PNLIPRP1: variants seen among roughly 807,000 people sequenced by gnomAD.
The protein encoded by PNLIPRP1 is pancreatic lipase related protein 1, also known as inactive pancreatic lipase-related protein 1.
PNLIPRP1 carries 57 observed loss-of-function variants against 54.6 expected under a neutral mutation model. That is an observed-to-expected ratio of 1.04 (90% confidence interval 0.84 to 1.30). The LOEUF (loss-of-function observed/expected upper bound fraction) is 1.30. PNLIPRP1 is among the 50% of genes most tolerant of loss of function. The probability of loss-of-function intolerance (pLI) is 0.00; values close to 1 mark genes in which losing one functional copy is unlikely to be tolerated. For missense variants in PNLIPRP1, 567 were observed against 568.5 expected, an observed-to-expected ratio of 1.00 and a Z score of 0.03; for synonymous variants, 232 against 208.8, an observed-to-expected ratio of 1.11 and a Z score of -0.96.
rs1554863694 is a variant in PNLIPRP1, at chr10:116,594,700, TC to T, written c.331-26del. 3 of 1,613,334 alleles carry T rather than the reference TC, an allele frequency of 1.9e-6. No individual in the cohort carries two copies. The South Asian group carries it at 3.3e-5, about 18-fold the overall frequency. On this transcript the variant is annotated intron_variant, in intron 4 of 12. Coordinates refer to ENST00000358834, the MANE Select transcript of PNLIPRP1 (RefSeq NM_006229.4). ...TAAGGTTTCCCCTGCTCCCATTATC[TC>T]CCCAACCCCACTATCTCCCCAACAC...
In PNLIPRP1 at chr10:116,591,771, G is replaced by C. The variant is rs782584435; in HGVS notation, c.50G>C (p.Gly17Ala). 7 of 1,614,084 alleles carry C rather than the reference G, an allele frequency of 4.3e-6. No individual in the cohort carries two copies. Among genetic ancestry groups the C allele is most frequent in the East Asian group, 2.2e-5 (1 of 44,868 alleles). ...ITLFLLGAAK[G>A]KEVCYEDLGC... Reference sequence around the variant, plus strand: ...GAGCAGATTCAACCTTTCTCTGTAGGAAAAGAAGTTTGCTATGAGGACCTC... The same window carrying C: ...GAGCAGATTCAACCTTTCTCTGTAGCAAAAGAAGTTTGCTATGAGGACCTC... Residue 17 changes from glycine (G) to alanine (A), a missense_variant and splice_region_variant, in exon 3 of 13, where the codon GGA (glycine) becomes GCA (alanine). Physicochemically the swap from Gly to Ala is moderately conservative, Grantham distance 60. Transcript: ENST00000358834.
intron 4 of PNLIPRP1, 101 bp from the exon 5 acceptor site, chr10:116,594,629 C>A: frequency 7.8e-7 from 1 of 1,282,052 alleles, no homozygotes; most frequent in African/African-American, 1.5e-5. Context: ...ATCTCATGCC[C>A]TAGCTAGGAG....
In PNLIPRP1 at chr10:116,600,092, A is replaced by C. The variant is rs1554864556; in HGVS notation, c.860A>C (p.Tyr287Ser). Residue 287 changes from tyrosine to serine, a missense_variant, in exon 9 of 13, where the codon TAT (tyrosine) becomes TCT (serine). Coordinates refer to ENST00000358834, the MANE Select transcript of PNLIPRP1 (RefSeq NM_006229.4). ...VACNHLRSYK[Y>S]YLESILNPDG... The stretch of plus-strand genomic sequence containing the variant: ...TGCAATCACCTAAGAAGCTACAAGT[A>C]TTACTTGGAAAGCATCCTCAATCCC... The C allele has an allele frequency of 4.3e-6, 7 of 1,614,074 alleles. No homozygotes were observed. The highest frequency in any genetic ancestry group is 5.9e-6 in the Non-Finnish European group (7 of 1,179,966).
intron 6 of PNLIPRP1, among the ~76,000 whole-genome samples, chr10:116,597,281 C>G (rs1847753504): frequency 6.6e-6 from 1 of 152,178 alleles, no homozygotes; most frequent in Admixed American, 6.5e-5. Context: ...TAAGTGCTAC[C>G]TATTAACTCA....
At chr10:116,601,021 A>G in intron 9 of PNLIPRP1, 51 bp from the exon 10 acceptor site, 1 of 1,547,322 alleles carries the variant, frequency 6.5e-7, no homozygotes, top group Non-Finnish European at 8.8e-7. Context: ...AGATGTATCG[A>G]TCATACAAAC....
chr10:116,600,315 T>G, intron 9 of PNLIPRP1, 150 bp downstream of exon 9: 2 of 579,046 alleles, frequency 3.5e-6, no homozygotes, highest in South Asian at 5.3e-5. Flanking sequence ...GAAAAAAAAG[T>G]AAACAACTTT....
At chr10:116,593,922 A>G (rs1332065994) in intron 4 of PNLIPRP1, 1 of 155,762 alleles carries the variant, frequency 6.4e-6, no homozygotes, top group Non-Finnish European at 1.3e-5. Flanking sequence ...GCGCCACTGC[A>G]CTCCAGCCTG....
chr10:116,607,221 G>T (rs183860564), intron 12 of PNLIPRP1, among the ~76,000 whole-genome samples: 3 of 149,324 alleles, frequency 2.0e-5, no homozygotes, highest in Admixed American at 6.7e-5. Flanking sequence ...TTATTTCTCC[G>T]TCCCCCTCTC....
chr10:116,592,638 G>C (rs782654525), intron 4 of PNLIPRP1, 97 bp downstream of exon 4: 1 of 1,432,332 alleles, frequency 7.0e-7, no homozygotes, highest in Non-Finnish European at 9.8e-7. Flanking sequence ...TTACATATTA[G>C]GTAACTTTAT....
At chr10:116,604,185 C>A in intron 11 of PNLIPRP1, 47 bp downstream of exon 11, 1 of 1,001,674 alleles carries the variant, frequency 1.0e-6, no homozygotes, top group Non-Finnish European at 1.6e-6. Context: ...ATATACACAG[C>A]CTTCAAACCA....
intron 11 of PNLIPRP1, among the ~76,000 whole-genome samples, 162 bp from the exon 12 acceptor site, chr10:116,605,224 G>A (rs1847916706): frequency 1.3e-5 from 2 of 152,140 alleles, no homozygotes; most frequent in Admixed American, 1.3e-4. Flanking sequence ...ATAGTTTGAG[G>A]TGCTAGCATA....
intron 12 of PNLIPRP1, among the ~76,000 whole-genome samples, chr10:116,606,543 C>T (rs1847940028): frequency 6.6e-6 from 1 of 152,110 alleles, no homozygotes; most frequent in Non-Finnish European, 1.5e-5. Flanking sequence ...AATTCAGCTC[C>T]CCAAGGCCCC....
intron 12 of PNLIPRP1, among the ~76,000 whole-genome samples, chr10:116,606,008 C>T (rs1254189597): frequency 6.6e-6 from 1 of 152,172 alleles, no homozygotes; most frequent in Non-Finnish European, 1.5e-5. Context: ...GAGATCCTGA[C>T]CTGTGGTCTC....
intron 4 of PNLIPRP1, chr10:116,593,291 C>A (rs1847673959): frequency 6.5e-6 from 1 of 153,126 alleles, no homozygotes; most frequent in African/African-American, 2.4e-5. Context: ...CACACACACA[C>A]ATACATACAT....
At position 116,599,590 on chromosome 10, in the gene PNLIPRP1, T is replaced by C. The variant is rs559237427; in HGVS notation, c.815-457T>C. Among the ~76,000 whole-genome samples, 88 of 152,326 alleles carry C rather than the reference T, an allele frequency of 5.8e-4. 1 individual carries two copies. Among genetic ancestry groups the C allele is most frequent in the African/African-American group, 2.0e-3 (83 of 41,580 alleles). On this transcript the variant is annotated intron_variant, in intron 8 of 12. Transcript: ENST00000358834. The stretch of plus-strand genomic sequence containing the variant: ...AAATGTCCTCGCATTGGCTTGGTCA[T>C]GTCACATCTGGTCATGTCTTTGAGG...
chr10:116,600,204 C>G, intron 9 of PNLIPRP1, 39 bp downstream of exon 9: 10 of 1,259,504 alleles, frequency 7.9e-6, no homozygotes, highest in Non-Finnish European at 1.2e-5. Context: ...AGCATCACCC[C>G]TCTGAGGGAC....
chr10:116,604,362 A>G (rs1387503340), intron 11 of PNLIPRP1, among the ~76,000 whole-genome samples: 1 of 152,204 alleles, frequency 6.6e-6, no homozygotes, highest in Non-Finnish European at 1.5e-5. Context: ...GGGTGTTTAG[A>G]TACACAAATA....
intron 10 of PNLIPRP1, among the ~76,000 whole-genome samples, chr10:116,602,928 T>C (rs1847872029): frequency 1.3e-5 from 1 of 74,704 alleles, no homozygotes; most frequent in Admixed American, 1.8e-4. Context: ...CACATGCATG[T>C]TTGTGTAGAT....
At chr10:116,599,936 A>C (rs1847803346) in intron 8 of PNLIPRP1, 111 bp from the exon 9 acceptor site, 1 of 720,292 alleles carries the variant, frequency 1.4e-6, no homozygotes, top group East Asian at 2.5e-5. Context: ...ATTTATCTTA[A>C]GTTTCTGAAA....
Sources: allele counts gnomAD v4.1 joint callset (sites outside exome capture counted in the v4.1 genomes callset), GRCh38; gene constraint gnomAD v4.1.1; transcripts MANE v1.5; gene names NCBI Gene and HGNC (gene_info 2026-07-23, HGNC 2026-07-21).